Variants in TRHDE observed in about 807,000 individuals in gnomAD.
The protein encoded by TRHDE is thyrotropin-releasing hormone-degrading ectoenzyme.
TRHDE carries 72 observed loss-of-function variants against 125.7 expected under a neutral mutation model. The ratio of observed to expected loss-of-function variants is 0.57; its 90% CI spans 0.47 to 0.70. The LOEUF (loss-of-function observed/expected upper bound fraction) is 0.70. TRHDE is among the 30% of genes least tolerant of loss of function. The pLI, the probability that TRHDE is intolerant of heterozygous loss-of-function variation, is 0.00. For synonymous variants in TRHDE, 509 were observed against 509.1 expected (o/e 1.00, Z 0.00); for missense variants, 1,110 against 1,327.1 (o/e 0.84, Z 2.54).
Position 72,667,621 on chromosome 12 carries a change from C to G in TRHDE, c.*4426C>G, listed in dbSNP as rs569145129. 6.6e-6 allele frequency: 1 copy of G among 151,718 alleles called. No individual in the cohort carries two copies. Among genetic ancestry groups the G allele is most frequent in the South Asian group, 2.1e-4 (1 of 4,822 alleles). The allele number at this position is 151,718 out of a possible 1,614,324, so 9.4% of individuals were successfully genotyped here. A position where few individuals can be genotyped will look rare whatever the true frequency, so the allele number is the denominator to read the frequency against. ...AGGAAAAATAATTCCTTGCTACAGA[C>G]GGGAAGTCAATCATTTTTAGGTATA... On this transcript the variant is annotated 3_prime_UTR_variant, in exon 19 of 19. Coordinates refer to ENST00000261180, the MANE Select transcript of TRHDE (RefSeq NM_013381.3).
At chr12:72,500,138 T>G (rs6582090) in intron 6 of TRHDE, among the ~76,000 whole-genome samples, 64,141 of 152,020 alleles carry the variant, frequency 0.42, 16,946 homozygotes, top group African/African-American at 0.74. Flanking sequence ...AATTTTAAAA[T>G]ACTAGACTTT....
intron 2 of TRHDE, among the ~76,000 whole-genome samples, chr12:72,372,189 T>C (rs1341849483): frequency 2.6e-5 from 4 of 152,212 alleles, no homozygotes; most frequent in African/African-American, 4.8e-5. Context: ...ATAAATGTCT[T>C]CTTTTGAGAA....
chr12:72,117,620 A>G (rs1469499045), intron 2 of TRHDE, among the ~76,000 whole-genome samples: 1 of 152,072 alleles, frequency 6.6e-6, no homozygotes, highest in Admixed American at 6.6e-5. Context: ...GAAGAATGTC[A>G]TTGGTATTTT....
intron 2 of TRHDE, among the ~76,000 whole-genome samples, chr12:72,108,155 G>A (rs1012554889): frequency 2.6e-5 from 4 of 152,118 alleles, no homozygotes; most frequent in Non-Finnish European, 4.4e-5. Flanking sequence ...AGAAAAGCAA[G>A]CATGACTTGC....
At chr12:72,279,314 C>G in intron 1 of TRHDE, among the ~76,000 whole-genome samples, 1 of 142,240 alleles carries the variant, frequency 7.0e-6, no homozygotes, top group East Asian at 2.1e-4. Flanking sequence ...GGCATAAATG[C>G]TTTACGGTCT....
intron 2 of TRHDE, among the ~76,000 whole-genome samples, chr12:72,106,776 T>G (rs1025643192): frequency 3.3e-5 from 5 of 152,138 alleles, no homozygotes; most frequent in Non-Finnish European, 7.4e-5. Context: ...AGATATTCAT[T>G]GAATATCTCC....
intron 15 of TRHDE, among the ~76,000 whole-genome samples, chr12:72,651,501 GA>G (rs34451089): frequency 6.6e-6 from 1 of 151,716 alleles, no homozygotes; most frequent in African/African-American, 2.4e-5. Context: ...AGTGAATGTT[GA>G]AAAAAAGCAA....
chr12:72,487,341 A>C (rs1210043698), intron 5 of TRHDE, among the ~76,000 whole-genome samples: 2 of 152,150 alleles, frequency 1.3e-5, no homozygotes, highest in Non-Finnish European at 2.9e-5. Flanking sequence ...GACCATTTTG[A>C]TCATACTGTC....
chr12:72,386,698 A>G (rs187692678), intron 3 of TRHDE, among the ~76,000 whole-genome samples: 2 of 152,192 alleles, frequency 1.3e-5, no homozygotes, highest in Admixed American at 1.3e-4. Context: ...TGCATTTTAC[A>G]TCAGACTTCC....
At chr12:72,351,266 G>T (rs1289534207) in intron 2 of TRHDE, among the ~76,000 whole-genome samples, 4 of 151,950 alleles carry the variant, frequency 2.6e-5, no homozygotes, top group African/African-American at 7.2e-5. Context: ...GTTAAATGGG[G>T]TCATATATTG....
intron 2 of TRHDE, among the ~76,000 whole-genome samples, chr12:72,220,649 C>A (rs1877982280): frequency 6.6e-6 from 1 of 152,108 alleles, no homozygotes; most frequent in Non-Finnish European, 1.5e-5. Context: ...AGGTTACTCC[C>A]ATCCCCCTTA....
In TRHDE at chr12:72,652,400, G is replaced by A. The variant is rs1180554552; in HGVS notation, c.2754G>A (p.Trp918Ter). 7.5e-6 allele frequency: 12 copies of A among 1,606,178 alleles called. No individual in the cohort carries two copies. Among genetic ancestry groups the A allele is most frequent in the Non-Finnish European group, 8.5e-6 (10 of 1,175,284 alleles). ...LLDEDVWEFI[W>*]MKFHSTTAVS... ...ATGAGGATGTCTGGGAATTCATATG[G>A]ATGAAATTCCATTCCACCACAGCAG... The change falls in exon 16 of 19, where the codon TGG becomes TGA. Residue 918 changes from tryptophan to a stop codon, truncating the protein, a stop_gained. Transcript: ENST00000261180. LOFTEE classifies it high-confidence loss of function.
intron 2 of TRHDE, among the ~76,000 whole-genome samples, chr12:72,187,696 C>A (rs993356590): frequency 6.6e-6 from 1 of 152,138 alleles, no homozygotes; most frequent in African/African-American, 2.4e-5. Context: ...TCTGGAAACA[C>A]CCTCACAGAA....
intron 12 of TRHDE, among the ~76,000 whole-genome samples, chr12:72,608,349 T>A (rs1284867887): frequency 2.6e-5 from 4 of 152,226 alleles, no homozygotes; most frequent in African/African-American, 9.6e-5. Context: ...TTAAAGATAC[T>A]TTATATCATT....
intron 12 of TRHDE, among the ~76,000 whole-genome samples, chr12:72,585,833 A>C (rs1871416236): frequency 1.3e-5 from 2 of 152,218 alleles, no homozygotes; most frequent in Non-Finnish European, 2.9e-5. Flanking sequence ...TTCTCAAACA[A>C]CTCAAAATAA....
At chr12:72,381,953 A>G (rs1472315347) in intron 3 of TRHDE, among the ~76,000 whole-genome samples, 5 of 152,184 alleles carry the variant, frequency 3.3e-5, no homozygotes, top group Non-Finnish European at 5.9e-5. Flanking sequence ...CTAGAGAGGT[A>G]CATTTGCCAG....
intron 2 of TRHDE, among the ~76,000 whole-genome samples, chr12:72,109,359 G>A (rs975253853): frequency 6.6e-6 from 1 of 152,092 alleles, no homozygotes; most frequent in African/African-American, 2.4e-5. Context: ...TTCTCCTGAG[G>A]TTTCTAAGGA....
At chr12:72,206,799 A>G (rs1268237492) in intron 2 of TRHDE, among the ~76,000 whole-genome samples, 1 of 151,964 alleles carries the variant, frequency 6.6e-6, no homozygotes, top group Non-Finnish European at 1.5e-5. Context: ...TTAACATGAA[A>G]TGTTACATTC....
chr12:72,296,362 C>A (rs1041455071), intron 2 of TRHDE, among the ~76,000 whole-genome samples: 5 of 152,180 alleles, frequency 3.3e-5, no homozygotes, highest in Non-Finnish European at 7.3e-5. Context: ...AAAAGAGTTA[C>A]TAAAGAGAGT....
Sources: allele counts gnomAD v4.1 joint callset (sites outside exome capture counted in the v4.1 genomes callset), GRCh38; gene constraint gnomAD v4.1.1; transcripts MANE v1.5; gene names NCBI Gene and HGNC (gene_info 2026-07-23, HGNC 2026-07-21).